SCML4: variants seen among roughly 807,000 people sequenced by gnomAD.
SCML4 encodes the protein sex comb on midleg-like protein 4.
In SCML4, 34 loss-of-function variants were observed where a neutral mutation model predicts 41.1. The observed-to-expected ratio is 0.83, with a 90% CI of 0.63 to 1.10. The LOEUF (loss-of-function observed/expected upper bound fraction) is 1.10. Among genes scored for constraint, SCML4 ranks in the 50% least tolerant of loss-of-function variants. SCML4 has a pLI of 0.00. For synonymous variants in SCML4, 214 were observed against 220.9 expected (o/e 0.97, Z 0.28); for missense variants, 522 against 534.1 (o/e 0.98, Z 0.22).
chr6:107,803,464 G>C (rs1343447351), intron 1 of SCML4, among the ~76,000 whole-genome samples: 1 of 146,200 alleles, frequency 6.8e-6, no homozygotes, highest in Non-Finnish European at 1.5e-5. Context: ...CGCCCGGTCC[G>C]GGAGGTGAGG....
intron 1 of SCML4, among the ~76,000 whole-genome samples, chr6:107,776,887 T>C (rs1477037947): frequency 6.6e-6 from 1 of 152,254 alleles, no homozygotes; most frequent in Non-Finnish European, 1.5e-5. Context: ...AATATTTGTA[T>C]GTATATATGT....
intron 2 of SCML4, among the ~76,000 whole-genome samples, chr6:107,765,364 G>A (rs932067955): frequency 6.6e-6 from 1 of 152,192 alleles, no homozygotes; most frequent in Non-Finnish European, 1.5e-5. Flanking sequence ...TAGTCCATGA[G>A]AGAGGATTGT....
At chr6:107,733,027 A>T (rs1262065929) in intron 5 of SCML4, among the ~76,000 whole-genome samples, 1 of 152,178 alleles carries the variant, frequency 6.6e-6, no homozygotes, top group East Asian at 1.9e-4. Context: ...CTGGCAACAA[A>T]CCAACAGCTC....
At chr6:107,797,839 C>T (rs1782823151) in intron 1 of SCML4, among the ~76,000 whole-genome samples, 1 of 151,860 alleles carries the variant, frequency 6.6e-6, no homozygotes, top group Non-Finnish European at 1.5e-5. Context: ...CGTGAACAGA[C>T]ATTAAATTTT....
chr6:107,803,229 C>T, intron 1 of SCML4, among the ~76,000 whole-genome samples: 2 of 139,718 alleles, frequency 1.4e-5, no homozygotes, highest in African/African-American at 2.7e-5. Flanking sequence ...GGGAGCGCCT[C>T]TGCCCGGCCG....
At chr6:107,784,553 G>C (rs1252613632) in intron 1 of SCML4, among the ~76,000 whole-genome samples, 1 of 152,208 alleles carries the variant, frequency 6.6e-6, no homozygotes, top group Non-Finnish European at 1.5e-5. Context: ...ATTGTCTCTT[G>C]CTGGGGTGGG....
intron 1 of SCML4, among the ~76,000 whole-genome samples, chr6:107,774,841 G>A (rs1780795913): frequency 6.6e-6 from 1 of 151,894 alleles, no homozygotes; most frequent in African/African-American, 2.4e-5. Flanking sequence ...GGCCAACATG[G>A]GGAAACCCCG....
intron 1 of SCML4, among the ~76,000 whole-genome samples, chr6:107,778,107 T>C (rs986261417): frequency 2.0e-4 from 29 of 147,496 alleles, no homozygotes; most frequent in Non-Finnish European, 4.0e-4. Context: ...TCCCAGCTAT[T>C]CGGGAGTTGA....
rs991097242 is a variant in SCML4, at chr6:107,703,126, G to T, written c.*2074C>A. On this transcript the variant is annotated 3_prime_UTR_variant, in exon 8 of 8. Transcript: ENST00000369020. ...GGGAGGCATGAATAATCCACCCCTTGTTTAGCATATCAAGAAATAAACATA... is the reference window on the plus strand; with the variant it reads ...GGGAGGCATGAATAATCCACCCCTTTTTTAGCATATCAAGAAATAAACATA... Among the ~76,000 whole-genome samples the T allele has an allele frequency of 1.3e-5, 2 of 152,180 alleles. No individual in the cohort carries two copies. The highest frequency in any genetic ancestry group is 4.8e-5 in the African/African-American group (2 of 41,446).
intron 6 of SCML4, among the ~76,000 whole-genome samples, chr6:107,715,858 G>A (rs1774730089): frequency 6.6e-6 from 1 of 152,182 alleles, no homozygotes; most frequent in African/African-American, 2.4e-5. Context: ...GTACCATGGG[G>A]AAAATGCCAT....
In SCML4 at chr6:107,703,964, G is replaced by A. The variant is rs745535769; in HGVS notation, c.*1236C>T. The A allele has an allele frequency of 3.3e-5, 5 of 152,216 alleles. No individual in the cohort carries two copies. Among genetic ancestry groups the A allele is most frequent in the African/African-American group, 4.8e-5 (2 of 41,458 alleles). 9.4% of individuals were successfully genotyped at this position (152,216 alleles called of 1,614,324 possible). A position where few individuals can be genotyped will look rare whatever the true frequency, so the allele number is the denominator to read the frequency against. On this transcript the variant is annotated 3_prime_UTR_variant, in exon 8 of 8. Coordinates refer to ENST00000369020, the MANE Select transcript of SCML4 (RefSeq NM_198081.5). ...AAAAGAGAAGGATAAAACGAATGGT[G>A]GAGAAGTTGTGCCTCTGCCTAATAA...
intron 2 of SCML4, among the ~76,000 whole-genome samples, chr6:107,758,712 G>A (rs187480747): frequency 1.2e-4 from 18 of 152,126 alleles, no homozygotes; most frequent in South Asian, 4.2e-4. Context: ...AGAAACAGCC[G>A]GCAACCACCA....
chr6:107,768,806 T>C (rs1011934649), intron 2 of SCML4, among the ~76,000 whole-genome samples: 4 of 152,196 alleles, frequency 2.6e-5, no homozygotes, highest in African/African-American at 9.7e-5. Flanking sequence ...CAACTACTTT[T>C]CAAAACCCAG....
intron 5 of SCML4, among the ~76,000 whole-genome samples, chr6:107,723,211 A>C (rs1326280174): frequency 2.6e-5 from 4 of 152,240 alleles, no homozygotes; most frequent in Non-Finnish European, 5.9e-5. Context: ...TAAATTTATC[A>C]TAAGTTAAAA....
chr6:107,785,683 C>T (rs968588164), intron 1 of SCML4, among the ~76,000 whole-genome samples: 2 of 152,204 alleles, frequency 1.3e-5, no homozygotes, highest in African/African-American at 4.8e-5. Flanking sequence ...GGAGCCTGTC[C>T]TCTGCACTCC....
At chr6:107,828,613 C>A (rs978082405), upstream of SCML4, among the ~76,000 whole-genome samples, 8 of 152,176 alleles carry the variant, frequency 5.3e-5, no homozygotes, top group Admixed American at 2.6e-4. Flanking sequence ...GATTCCATTT[C>A]TGTAGTAAGG....
At chr6:107,835,947 T>C in the SCML4 span, among the ~76,000 whole-genome samples, 22 of 152,292 alleles carry the variant, frequency 1.4e-4, no homozygotes, top group African/African-American at 5.3e-4. Flanking sequence ...GTGAGATTTA[T>C]GTCCTGCCTG....
At chr6:107,768,580 C>T (rs915275141) in intron 2 of SCML4, among the ~76,000 whole-genome samples, 2 of 152,108 alleles carry the variant, frequency 1.3e-5, no homozygotes, top group Admixed American at 6.5e-5. Context: ...GGCTGAGGAG[C>T]GGAGGGCTGC....
chr6:107,773,853 T>C (rs546292147), intron 1 of SCML4, among the ~76,000 whole-genome samples: 91 of 152,112 alleles, frequency 6.0e-4, no homozygotes, highest in Non-Finnish European at 1.1e-3. Context: ...GTAGAAGAAG[T>C]TGGGGAAGAC....
Sources: allele counts gnomAD v4.1 joint callset (sites outside exome capture counted in the v4.1 genomes callset), GRCh38; gene constraint gnomAD v4.1.1; transcripts MANE v1.5; gene names NCBI Gene and HGNC (gene_info 2026-07-23, HGNC 2026-07-21).